The following DUSP18 variants were observed in gnomAD, a reference collection of about 807,000 sequenced individuals.
DUSP18 encodes dual specificity phosphatase 18, also known as dual specificity protein phosphatase 18.
A neutral mutation model predicts 6.3 loss-of-function variants in DUSP18; 4 were observed. The ratio of observed to expected loss-of-function variants is 0.63; its 90% CI spans 0.31 to 1.45. The LOEUF (loss-of-function observed/expected upper bound fraction) is 1.45. Among genes scored for constraint, DUSP18 ranks in the 40% most tolerant of loss-of-function variants. The probability of loss-of-function intolerance (pLI) is 0.07; values close to 1 mark genes in which losing one functional copy is unlikely to be tolerated. For synonymous variants in DUSP18, 96 were observed against 95.1 expected, an observed-to-expected ratio of 1.01 and a Z score of -0.05; for missense variants, 235 against 247.7, an observed-to-expected ratio of 0.95 and a Z score of 0.34.
At chr22:30,654,042 C>T (rs1032606905) in intron 2 of DUSP18, 2 of 158,526 alleles carry the variant, frequency 1.3e-5, no homozygotes, top group South Asian at 1.7e-4. Context: ...TGCAGTGGCG[C>T]GATCTCGGCT....
chr22:30,656,776 C>A (rs2088346397), downstream of DUSP18, among the ~76,000 whole-genome samples: 1 of 152,122 alleles, frequency 6.6e-6, no homozygotes. Flanking sequence ...GATATGAACT[C>A]CTGGTCTCAT....
rs539848760 is a variant in DUSP18, at chr22:30,667,531, C to T, written c.-147G>A. The T allele has an allele frequency of 6.6e-6, 1 of 152,408 alleles. No individual in the cohort carries two copies. Among genetic ancestry groups the T allele is most frequent in the African/African-American group, 2.4e-5 (1 of 41,586 alleles). 9.4% of individuals were successfully genotyped at this position (152,408 alleles called of 1,614,324 possible). A position where few individuals can be genotyped will look rare whatever the true frequency, so the allele number is the denominator to read the frequency against. ...GCTTGGGGAAGCCTTAGGCAAGGTT[C>T]TTCGGGAGAGAGACCCGTCATGATC... On this transcript the variant is annotated 5_prime_UTR_variant, in exon 1 of 2. Transcript: ENST00000334679.
intron 2 of DUSP18, among the ~76,000 whole-genome samples, chr22:30,652,719 C>T (rs2088247041): frequency 6.6e-6 from 1 of 152,202 alleles, no homozygotes; most frequent in African/African-American, 2.4e-5. Flanking sequence ...TCCATAGGGC[C>T]CCTTGAGTGT....
At chr22:30,656,788 A>G (rs1470534596), downstream of DUSP18, among the ~76,000 whole-genome samples, 1 of 152,178 alleles carries the variant, frequency 6.6e-6, no homozygotes, top group African/African-American at 2.4e-5. Flanking sequence ...TGGTCTCATC[A>G]TGTCCAATTC....
At chr22:30,655,592 A>C (rs2088325117) in intron 2 of DUSP18, among the ~76,000 whole-genome samples, 1 of 151,946 alleles carries the variant, frequency 6.6e-6, no homozygotes, top group South Asian at 2.1e-4. Context: ...GGCCTGCCTT[A>C]GTATCCCTTC....
chr22:30,666,136 G>A (rs2088648198), intron 1 of DUSP18, among the ~76,000 whole-genome samples: 2 of 152,164 alleles, frequency 1.3e-5, no homozygotes, highest in South Asian at 4.1e-4. Context: ...TAAATGCTAA[G>A]GAATGTTCTG....
chr22:30,663,341 G>C lies in DUSP18; in HGVS notation c.*96C>G. ...TAAAAGGCATCATCTGTTTTTTTCT[G>C]TATCAACAAAAGTAGAATGTTCAAG... On this transcript the variant is annotated 3_prime_UTR_variant, in exon 2 of 2. Transcript: ENST00000334679. 1 of 1,270,596 alleles carries C rather than the reference G, an allele frequency of 7.9e-7. No individual in the cohort carries two copies. 78.7% of individuals were successfully genotyped at this position (1,270,596 alleles called of 1,614,324 possible).
rs137884088 is a variant in DUSP18, at chr22:30,664,195, T to A, written c.-77-115A>T. The A allele has an allele frequency of 1.9e-4, 118 of 606,266 alleles. 1 individual carries two copies. In the East Asian group the frequency reaches 2.9e-3, roughly 15 times the overall value. The allele number at this position is 606,266 out of a possible 1,614,324, so 37.6% of individuals were successfully genotyped here. A position where few individuals can be genotyped will look rare whatever the true frequency, so the allele number is the denominator to read the frequency against. On this transcript the variant is annotated intron_variant, in intron 1 of 1. Coordinates refer to ENST00000334679, the MANE Select transcript of DUSP18 (RefSeq NM_152511.5). ...ATTCCCCAAGGCAGTCCTCTGACCATCACAGCAGAACTACCCAGCAAACTC... is the reference window on the plus strand; with the variant it reads ...ATTCCCCAAGGCAGTCCTCTGACCAACACAGCAGAACTACCCAGCAAACTC...
At position 30,661,497 on chromosome 22, in the gene DUSP18, G is replaced by A. The variant is rs1450679780; in HGVS notation, c.*1940C>T. ...GAGTCTCACTCTTGTTGCCCAGGCT[G>A]GAGTGCAATGGTGCAAGCTCGGCTC... On this transcript the variant is annotated 3_prime_UTR_variant, in exon 2 of 2. Coordinates refer to ENST00000334679, the MANE Select transcript of DUSP18 (RefSeq NM_152511.5). 1 of 141,340 alleles carries A rather than the reference G, an allele frequency of 7.1e-6. No homozygotes were observed. Among genetic ancestry groups the A allele is most frequent in the African/African-American group, 2.6e-5 (1 of 38,506 alleles). 8.8% of individuals were successfully genotyped at this position (141,340 alleles called of 1,614,324 possible).
rs763422948 is a variant in DUSP18, at chr22:30,663,737, A to T, written c.267T>A (p.His89Gln). Residue 89 changes from histidine (H) to glutamine (Q), a missense_variant, in exon 2 of 2, where the codon CAT (histidine) becomes CAA (glutamine). By Grantham distance (24) the His-to-Gln change is conservative (BLOSUM62 0). Coordinates refer to ENST00000334679, the MANE Select transcript of DUSP18 (RefSeq NM_152511.5). ...CCTGCTTCATCTCCACGCTGTGGAT[A>T]TGGTCAGCAATAGGGTCAAAGAAGT... Reference protein sequence around the residue: ...LCDFFDPIADHIHSVEMKQGR... With the variant: ...LCDFFDPIADQIHSVEMKQGR... 2 of 1,614,112 alleles carry T rather than the reference A, an allele frequency of 1.2e-6. No individual in the cohort carries two copies. Among genetic ancestry groups the T allele is most frequent in the African/African-American group, 2.7e-5 (2 of 74,934 alleles).
chr22:30,658,103 C>A (rs74535335), downstream of DUSP18, among the ~76,000 whole-genome samples: 684 of 151,000 alleles, frequency 4.5e-3, 2 homozygotes, highest in African/African-American at 0.015. Context: ...AAGACCATTT[C>A]AAAATAAATT....
At chr22:30,657,485 G>T (rs972636846), downstream of DUSP18, among the ~76,000 whole-genome samples, 1 of 150,546 alleles carries the variant, frequency 6.6e-6, no homozygotes, top group Non-Finnish European at 1.5e-5. Context: ...CTGGCCGGGT[G>T]TAGTGGGTCG....
intron 1 of DUSP18, among the ~76,000 whole-genome samples, 176 bp from the exon 2 acceptor site, chr22:30,664,256 C>A: frequency 6.6e-6 from 1 of 152,286 alleles, no homozygotes; most frequent in African/African-American, 2.4e-5. Flanking sequence ...CTCTCCAAAC[C>A]CACAGTCAGA....
downstream of DUSP18, among the ~76,000 whole-genome samples, chr22:30,660,841 ATTTTT>A (rs201034099): frequency 1.4e-5 from 2 of 144,304 alleles, no homozygotes; most frequent in African/African-American, 5.1e-5. Context: ...GCATAGAACA[ATTTTT>A]TTTTTTTTTT....
downstream of DUSP18, among the ~76,000 whole-genome samples, chr22:30,657,364 CAGG>C (rs1413191918): frequency 1.3e-5 from 2 of 151,066 alleles, no homozygotes; most frequent in East Asian, 3.9e-4. Context: ...GAGGCTGAGG[CAGG>C]AGAATTGCTT....
Position 30,655,427 on chromosome 22 carries a change from A to AT in DUSP18, c.*34-3131_*34-3130insA, listed in dbSNP as rs199839951. Among the ~76,000 whole-genome samples the AT allele has an allele frequency of 4.9e-4, 14 of 28,332 alleles. 3 individuals are homozygous for AT. The East Asian group carries it at 7.1e-3, about 14-fold the overall frequency. The allele number at this position is 28,332 out of a possible 152,430, so 18.6% of individuals were successfully genotyped here. ...ACTCTGGGTAACAGAGTGAGATCCTACCAAAAAAAAAAAAAAAAAAAGAAA... is the reference window on the plus strand; with the variant it reads ...ACTCTGGGTAACAGAGTGAGATCCTATCCAAAAAAAAAAAAAAAAAAAGAAA... On this transcript the variant is annotated intron_variant, in intron 2 of 2. Transcript: ENST00000404885.
At chr22:30,657,276 A>AC (rs990639930), downstream of DUSP18, among the ~76,000 whole-genome samples, 1,527 of 14,142 alleles carry the variant, frequency 0.11, 20 homozygotes, top group African/African-American at 0.35. Context: ...CTCTACTAAA[A>AC]ACACACACAC....
At chr22:30,654,694 GA>G in intron 2 of DUSP18, 1 of 406,290 alleles carries the variant, frequency 2.5e-6, no homozygotes, top group Non-Finnish European at 4.8e-6. Flanking sequence ...GACATTGCCA[GA>G]AATACTGATG....
chr22:30,660,467 C>T (rs1200165807), downstream of DUSP18, among the ~76,000 whole-genome samples: 2 of 152,070 alleles, frequency 1.3e-5, no homozygotes, highest in African/African-American at 4.8e-5. Flanking sequence ...GCCACCACAC[C>T]CACCTAGAGA....
Sources: gnomAD v4.1 joint callset for allele counts (sites outside exome capture counted in the v4.1 genomes callset) on GRCh38, gnomAD v4.1.1 for gene constraint, MANE v1.5 for transcripts, NCBI Gene and HGNC (gene_info 2026-07-23, HGNC 2026-07-21) for gene names.